SLAMF6: variants seen among roughly 807,000 people sequenced by gnomAD.
The protein encoded by SLAMF6 is NK-T-B-antigen.
In SLAMF6, 21 loss-of-function variants were observed where a neutral mutation model predicts 38.3. That is an observed-to-expected ratio of 0.55 (90% CI 0.39 to 0.79). The LOEUF (loss-of-function observed/expected upper bound fraction) is 0.79, where lower values mean the gene tolerates loss of function less well. Among genes scored for constraint, SLAMF6 ranks in the 30% least tolerant of loss-of-function variants. The probability of loss-of-function intolerance (pLI) is 0.00; values close to 1 mark genes in which losing one functional copy is unlikely to be tolerated. For synonymous variants in SLAMF6, 152 were observed against 146.3 expected, an observed-to-expected ratio of 1.04 and a Z score of -0.28; for missense variants, 341 against 385.3, an observed-to-expected ratio of 0.89 and a Z score of 0.96.
chr1:160,490,476 C>T (rs1267313196), intron 4 of SLAMF6, 99 bp downstream of exon 4: 26 of 1,504,766 alleles, frequency 1.7e-5, no homozygotes, highest in Non-Finnish European at 2.3e-5. Flanking sequence ...CTCCCTCCCT[C>T]CTCCTGTCTT....
chr1:160,522,593 C>A (rs1452266608), intron 1 of SLAMF6, among the ~76,000 whole-genome samples: 1 of 151,448 alleles, frequency 6.6e-6, no homozygotes, highest in Non-Finnish European at 1.5e-5. Context: ...ACTAGCTAGC[C>A]CTAATTTGCA....
chr1:160,502,594 G>T lies in SLAMF6; in HGVS notation c.50-6201C>A, dbSNP rs1444909955. Among the ~76,000 whole-genome samples, 4 of 152,176 alleles carry T rather than the reference G, an allele frequency of 2.6e-5. No homozygotes were observed. In the East Asian group the frequency reaches 5.8e-4, roughly 22 times the overall value. ...TTAAGGGTTACCTGATTAGTGGAGGGTTAGTTTGGAAGGTATTAAAAAACA... is the reference window on the plus strand; with the variant it reads ...TTAAGGGTTACCTGATTAGTGGAGGTTTAGTTTGGAAGGTATTAAAAAACA... On this transcript the variant is annotated intron_variant, in intron 1 of 7. Transcript: ENST00000368057.
intron 6 of SLAMF6, among the ~76,000 whole-genome samples, chr1:160,488,612 C>G (rs1653096073): frequency 6.6e-6 from 1 of 152,088 alleles, no homozygotes; most frequent in Non-Finnish European, 1.5e-5. Flanking sequence ...GTGGCCTCTA[C>G]TGTGCCCCCT....
At position 160,496,299 on chromosome 1, in the gene SLAMF6, C is replaced by T. The variant is rs1413859448; in HGVS notation, c.144G>A (p.Glu48=). ...VTLPLEFPAG[E]KVNFITWLFN... is the part of the protein sequence containing the mutation. ...AAAGCCAAGTGATGAAGTTGACCTT[C>T]TCTCCTGCAGGAAACTCCAGGGGAA... is the stretch of plus-strand genomic sequence containing the variant. The change falls in exon 2 of 8, where the codon GAG becomes GAA. Residue 48 remains glutamate, a synonymous_variant. Transcript: ENST00000368057. 1.9e-6 allele frequency: 3 copies of T among 1,614,046 alleles called. No individual in the cohort carries two copies. The highest frequency in any genetic ancestry group is 1.1e-5 in the South Asian group (1 of 91,086).
intron 1 of SLAMF6, among the ~76,000 whole-genome samples, chr1:160,521,439 G>A (rs987332183): frequency 6.6e-6 from 1 of 152,020 alleles, no homozygotes; most frequent in African/African-American, 2.4e-5. Context: ...TTTAACACAA[G>A]GACATTCAGA....
chr1:160,513,465 C>T (rs181329682), intron 1 of SLAMF6, among the ~76,000 whole-genome samples: 2 of 152,118 alleles, frequency 1.3e-5, no homozygotes, highest in East Asian at 3.8e-4. Flanking sequence ...GGAGACTTCC[C>T]CAACCTAGCA....
chr1:160,504,776 G>A (rs903313626), intron 1 of SLAMF6, among the ~76,000 whole-genome samples: 2 of 152,116 alleles, frequency 1.3e-5, no homozygotes, highest in African/African-American at 4.8e-5. Flanking sequence ...AGAAAAGCTG[G>A]GGAGAAAGAT....
intron 1 of SLAMF6, among the ~76,000 whole-genome samples, chr1:160,503,908 C>A (rs374962885): frequency 5.3e-5 from 8 of 150,878 alleles, no homozygotes; most frequent in African/African-American, 1.9e-4. Context: ...GTGGAACATG[C>A]CTGTAGTCCC....
chr1:160,487,094 G>C lies in SLAMF6; in HGVS notation c.951+10C>G, dbSNP rs775198983. The stretch of plus-strand genomic sequence containing the variant: ...AAGAATATAAAAACATGGAGCAATC[G>C]TGGGCTTACCTCTTTGGAATGATTA... On this transcript the variant is annotated intron_variant, in intron 7 of 7. Transcript: ENST00000368057. 6 of 1,598,080 alleles carry C rather than the reference G, an allele frequency of 3.8e-6. No individual in the cohort carries two copies. The highest frequency in any genetic ancestry group is 2.6e-6 in the Non-Finnish European group (3 of 1,166,314).
intron 1 of SLAMF6, among the ~76,000 whole-genome samples, chr1:160,508,802 C>T (rs529514237): frequency 1.1e-3 from 94 of 87,936 alleles, no homozygotes; most frequent in African/African-American, 3.2e-3. Context: ...AGAATTTAAA[C>T]AAATTTACAA....
At chr1:160,507,587 C>T (rs1293720458) in intron 1 of SLAMF6, among the ~76,000 whole-genome samples, 1 of 152,088 alleles carries the variant, frequency 6.6e-6, no homozygotes, top group African/African-American at 2.4e-5. Flanking sequence ...ACAAAATATA[C>T]ATTTTCCTCA....
chr1:160,512,289 C>T (rs1261639789), intron 1 of SLAMF6, among the ~76,000 whole-genome samples: 3 of 152,210 alleles, frequency 2.0e-5, no homozygotes, highest in Admixed American at 1.3e-4. Context: ...CATCCCTCCT[C>T]ACTGAATGGG....
At chr1:160,499,737 G>T (rs760559527) in intron 1 of SLAMF6, among the ~76,000 whole-genome samples, 1 of 152,104 alleles carries the variant, frequency 6.6e-6, no homozygotes, top group Non-Finnish European at 1.5e-5. Context: ...CTTATAGGAG[G>T]AGCTGAATAG....
intron 1 of SLAMF6, among the ~76,000 whole-genome samples, chr1:160,518,765 G>A (rs929421480): frequency 6.6e-6 from 1 of 151,998 alleles, no homozygotes; most frequent in Non-Finnish European, 1.5e-5. Context: ...GGGGCCTGTC[G>A]GGGGTGGGGC....
chr1:160,489,424 AG>A (rs1436760049), intron 5 of SLAMF6, among the ~76,000 whole-genome samples: 1 of 152,202 alleles, frequency 6.6e-6, no homozygotes, highest in Non-Finnish European at 1.5e-5. Context: ...AGTCTCCCTC[AG>A]GCTTCACATG....
At chr1:160,495,650 T>G (rs1653534559) in intron 2 of SLAMF6, among the ~76,000 whole-genome samples, 1 of 152,202 alleles carries the variant, frequency 6.6e-6, no homozygotes, top group African/African-American at 2.4e-5. Flanking sequence ...GTGCTACCAT[T>G]ACTATCTCTG....
chr1:160,508,172 T>A (rs1375820362), intron 1 of SLAMF6, among the ~76,000 whole-genome samples: 1 of 152,080 alleles, frequency 6.6e-6, no homozygotes. Flanking sequence ...AAAGTTCATA[T>A]GGAACCAAAA....
intron 1 of SLAMF6, among the ~76,000 whole-genome samples, chr1:160,515,419 A>G (rs1289629188): frequency 1.3e-5 from 2 of 152,228 alleles, no homozygotes; most frequent in African/African-American, 4.8e-5. Context: ...GCTGAATTCT[A>G]CTAGAGGTAC....
chr1:160,513,220 A>G (rs1445747316), intron 1 of SLAMF6, among the ~76,000 whole-genome samples: 2 of 152,242 alleles, frequency 1.3e-5, no homozygotes, highest in East Asian at 1.9e-4. Context: ...CAATGCAATC[A>G]TAAGTATCAA....
Sources: allele counts gnomAD v4.1 joint callset (sites outside exome capture counted in the v4.1 genomes callset), GRCh38; gene constraint gnomAD v4.1.1; transcripts MANE v1.5; gene names NCBI Gene and HGNC (gene_info 2026-07-23, HGNC 2026-07-21).